SLC36A4: variants seen among roughly 807,000 people sequenced by gnomAD.
SLC36A4 encodes solute carrier family 36 member 4, also known as neutral amino acid uniporter 4.
In SLC36A4, 49 loss-of-function variants were observed where a neutral mutation model predicts 50.5. The observed-to-expected ratio is 0.97, with a 90% CI of 0.77 to 1.23. The LOEUF is 1.23. Among genes scored for constraint, SLC36A4 ranks in the 50% most tolerant of loss-of-function variants. The probability of loss-of-function intolerance (pLI) is 0.00; values close to 1 mark genes in which losing one functional copy is unlikely to be tolerated. For synonymous variants in SLC36A4, 207 were observed against 206.5 expected, an observed-to-expected ratio of 1.00 and a Z score of -0.02; for missense variants, 611 against 608.4, an observed-to-expected ratio of 1.00 and a Z score of -0.05.
At chr11:93,157,358 T>C (rs969421797) in intron 9 of SLC36A4, among the ~76,000 whole-genome samples, 2 of 152,322 alleles carry the variant, frequency 1.3e-5, no homozygotes, top group African/African-American at 2.4e-5. Flanking sequence ...AATTTTAAAA[T>C]AGTTTTTTCT....
intron 1 of SLC36A4, 80 bp from the exon 2 acceptor site, chr11:93,185,894 T>C (rs1861965136): frequency 1.6e-6 from 2 of 1,277,638 alleles, no homozygotes; most frequent in South Asian, 1.6e-5. Context: ...TTCAAAATAT[T>C]AGGAAACACC....
At position 93,197,833 on chromosome 11, in the gene SLC36A4, C is replaced by G. The variant is rs759271915; in HGVS notation, c.-1G>C. ...CCGCCGGCGTCGCCGCCGCTTCCATCTCTCGCGGGTCTCCAGGACGCCGCC... is the reference window on the plus strand; with the variant it reads ...CCGCCGGCGTCGCCGCCGCTTCCATGTCTCGCGGGTCTCCAGGACGCCGCC... On this transcript the variant is annotated 5_prime_UTR_variant, in exon 1 of 11. Coordinates refer to ENST00000326402, the MANE Select transcript of SLC36A4 (RefSeq NM_152313.4). 2 of 1,571,350 alleles carry G rather than the reference C, an allele frequency of 1.3e-6. No homozygotes were observed. The highest frequency in any genetic ancestry group is 2.3e-5 in the South Asian group (2 of 87,332).
chr11:93,182,746 T>C, intron 4 of SLC36A4, 60 bp downstream of exon 4: 1 of 1,248,560 alleles, frequency 8.0e-7, no homozygotes, highest in South Asian at 1.3e-5. Context: ...TATAAGACTA[T>C]CTGATGCTGT....
rs1006760274 is a variant in SLC36A4 at position 93,193,382 on chromosome 11, C to T, written c.55+4396G>A. Among the ~76,000 whole-genome samples, 6 of 152,218 alleles carry T rather than the reference C, an allele frequency of 3.9e-5. No homozygotes were observed. The South Asian group carries it at 1.2e-3, about 32-fold the overall frequency. On this transcript the variant is annotated intron_variant, in intron 1 of 10. Coordinates refer to ENST00000326402, the MANE Select transcript of SLC36A4 (RefSeq NM_152313.4). ...TTACACATAATGTCTATTATTTTCG[C>T]CCAATGTTTTGCTGTAATTTTTGGC...
intron 6 of SLC36A4, among the ~76,000 whole-genome samples, chr11:93,174,109 C>T (rs1430309974): frequency 6.6e-6 from 1 of 150,788 alleles, no homozygotes; most frequent in Non-Finnish European, 1.5e-5. Flanking sequence ...TGTTTGTATC[C>T]TCTTTTATTT....
At chr11:93,170,513 A>G (rs992951836) in intron 6 of SLC36A4, among the ~76,000 whole-genome samples, 5 of 152,104 alleles carry the variant, frequency 3.3e-5, no homozygotes, top group African/African-American at 7.2e-5. Flanking sequence ...CATTTTACAA[A>G]TAAGGAAACT....
At chr11:93,173,290 GTTGT>G (rs537657355) in intron 6 of SLC36A4, among the ~76,000 whole-genome samples, 5,621 of 146,120 alleles carry the variant, frequency 0.038, 147 homozygotes, top group Non-Finnish European at 0.065. Context: ...TTTTGATGGG[GTTGT>G]TTGTTTTTTT....
At chr11:93,180,559 T>C (rs1861690923) in intron 6 of SLC36A4, among the ~76,000 whole-genome samples, 1 of 151,502 alleles carries the variant, frequency 6.6e-6, no homozygotes, top group Non-Finnish European at 1.5e-5. Flanking sequence ...CAGTAAATTA[T>C]GTCATATTCT....
rs1859816069 is a variant in SLC36A4 at position 93,144,761 on chromosome 11, A to C, written c.*3776T>G. 6.6e-6 allele frequency: 1 copy of C among 152,042 alleles called. No individual in the cohort carries two copies. The highest frequency in any genetic ancestry group is 2.1e-4 in the South Asian group (1 of 4,832). 9.4% of individuals were successfully genotyped at this position (152,042 alleles called of 1,614,324 possible). A position where few individuals can be genotyped will look rare whatever the true frequency, so the allele number is the denominator to read the frequency against. ...ATTAACTATTACAGCCAGGAATTTAATGTTAGGAAGTACAACTACACTTTT... is the reference window on the plus strand; with the variant it reads ...ATTAACTATTACAGCCAGGAATTTACTGTTAGGAAGTACAACTACACTTTT... On this transcript the variant is annotated 3_prime_UTR_variant, in exon 11 of 11. Coordinates refer to ENST00000326402, the MANE Select transcript of SLC36A4 (RefSeq NM_152313.4).
At chr11:93,189,126 G>A (rs547530476) in intron 1 of SLC36A4, among the ~76,000 whole-genome samples, 161 of 151,034 alleles carry the variant, frequency 1.1e-3, no homozygotes, top group African/African-American at 3.0e-3. Context: ...ACAATGGTGC[G>A]ATCTTGGCTC....
rs778056685 is a variant in SLC36A4 at position 93,171,011 on chromosome 11, TCTA to T, written c.541-2843_541-2841del. 6 of 152,202 alleles carry T rather than the reference TCTA, an allele frequency of 3.9e-5. No homozygotes were observed. In the East Asian group the frequency reaches 9.6e-4, roughly 24 times the overall value. 9.4% of individuals were successfully genotyped at this position (152,202 alleles called of 1,614,324 possible). On this transcript the variant is annotated intron_variant, in intron 6 of 10. Coordinates refer to ENST00000326402, the MANE Select transcript of SLC36A4 (RefSeq NM_152313.4). The stretch of plus-strand genomic sequence containing the variant: ...TGGTAAGGTTTAATCAACTAGTGTG[TCTA>T]CTATTGTATAATGCTATCAAATGTA...
In SLC36A4 at chr11:93,148,826, A is replaced by G; in HGVS notation, c.1226T>C (p.Ile409Thr). Reference protein sequence around the residue: ...VSITCAGAILIPRLDIVISFV... With the variant: ...VSITCAGAILTPRLDIVISFV... ...GGAAATCACAATGTCTAAACGAGGA[A>G]TAAGAATTGCTCCGGCACCTAGAAA... The change falls in exon 11 of 11, where the codon ATT (isoleucine) becomes ACT (threonine). Residue 409 changes from isoleucine (I) to threonine (T), a missense_variant. Transcript: ENST00000326402. 1 of 1,610,520 alleles carries G rather than the reference A, an allele frequency of 6.2e-7. No homozygotes were observed. The highest frequency in any genetic ancestry group is 1.3e-5 in the African/African-American group (1 of 74,812).
In SLC36A4 at chr11:93,144,234, T is replaced by TC. The variant is rs1281144378; in HGVS notation, c.*4302dup. 1.3e-5 allele frequency: 2 copies of TC among 152,114 alleles called. No homozygotes were observed. The highest frequency in any genetic ancestry group is 4.8e-5 in the African/African-American group (2 of 41,452). The allele number at this position is 152,114 out of a possible 1,614,324, so 9.4% of individuals were successfully genotyped here. ...TTACAACACTTTAAGACAGCGTTTT[T>TC]CATATTCTGTTATAAAGAAAAATGT... is the stretch of plus-strand genomic sequence containing the variant. On this transcript the variant is annotated 3_prime_UTR_variant, in exon 11 of 11. Coordinates refer to ENST00000326402, the MANE Select transcript of SLC36A4 (RefSeq NM_152313.4).
At chr11:93,160,767 CT>C in intron 9 of SLC36A4, 1 of 970,176 alleles carries the variant, frequency 1.0e-6, no homozygotes, top group Non-Finnish European at 1.2e-6. Context: ...TTCCATGTAC[CT>C]TTTACATTTG....
At chr11:93,194,718 CAT>C (rs1178368632) in intron 1 of SLC36A4, among the ~76,000 whole-genome samples, 4 of 152,190 alleles carry the variant, frequency 2.6e-5, no homozygotes, top group African/African-American at 9.7e-5. Flanking sequence ...GGCACACACA[CAT>C]ACACACAAAC....
chr11:93,150,791 G>T (rs1433766307), intron 10 of SLC36A4, among the ~76,000 whole-genome samples: 3 of 151,982 alleles, frequency 2.0e-5, no homozygotes, highest in African/African-American at 4.8e-5. Context: ...ATAATCATTT[G>T]TGGAGACATG....
intron 6 of SLC36A4, among the ~76,000 whole-genome samples, chr11:93,168,465 A>C (rs1483273022): frequency 6.6e-6 from 1 of 152,038 alleles, no homozygotes; most frequent in African/African-American, 2.4e-5. Flanking sequence ...ATGTATTCTG[A>C]AGCTTTGTGA....
At position 93,144,905 on chromosome 11, in the gene SLC36A4, A is replaced by G. The variant is rs577293261; in HGVS notation, c.*3632T>C. ...CGATGTTCTGTATGTTAACCAAATT[A>G]TTTTATTCCTCAACAGATGGTATTG... On this transcript the variant is annotated 3_prime_UTR_variant, in exon 11 of 11. Transcript: ENST00000326402. 1.5e-4 allele frequency: 23 copies of G among 152,132 alleles called. No homozygotes were observed. In the South Asian group the frequency reaches 4.8e-3, roughly 32 times the overall value. 9.4% of individuals were successfully genotyped at this position (152,132 alleles called of 1,614,324 possible). A position where few individuals can be genotyped will look rare whatever the true frequency, so the allele number is the denominator to read the frequency against.
chr11:93,154,009 T>A, intron 10 of SLC36A4, 99 bp downstream of exon 10: 1 of 582,386 alleles, frequency 1.7e-6, no homozygotes. Flanking sequence ...GAAAAATACA[T>A]CTTATGTAGC....
Sources: gnomAD v4.1 joint callset for allele counts (sites outside exome capture counted in the v4.1 genomes callset) on GRCh38, gnomAD v4.1.1 for gene constraint, MANE v1.5 for transcripts, NCBI Gene and HGNC (gene_info 2026-07-23, HGNC 2026-07-21) for gene names.